Variants in ARHGEF28 observed in about 807,000 individuals in gnomAD.
ARHGEF28 encodes 190 kDa guanine nucleotide exchange factor.
ARHGEF28 carries 152 observed loss-of-function variants against 206.6 expected under a neutral mutation model. The observed-to-expected ratio is 0.74, with a 90% CI of 0.64 to 0.84. ARHGEF28 has a LOEUF of 0.84. Ranked by LOEUF, ARHGEF28 falls within the 40% of genes least tolerant of loss-of-function variation. The probability of loss-of-function intolerance (pLI) is 0.00; values close to 1 mark genes in which losing one functional copy is unlikely to be tolerated. For missense variants in ARHGEF28, 2,028 were observed against 2,073.2 expected (o/e 0.98, Z 0.42); for synonymous variants, 763 against 776.4 (o/e 0.98, Z 0.29).
At chr5:73,799,059 C>T (rs1441988777) in intron 9 of ARHGEF28, among the ~76,000 whole-genome samples, 1 of 152,192 alleles carries the variant, frequency 6.6e-6, no homozygotes. Context: ...CATTGCACTC[C>T]AGCCTGAGCA....
intron 9 of ARHGEF28, among the ~76,000 whole-genome samples, chr5:73,831,201 G>A (rs769579249): frequency 2.6e-5 from 4 of 152,086 alleles, no homozygotes; most frequent in Non-Finnish European, 4.4e-5. Context: ...ATGTCTGAAC[G>A]CACTTAATCC....
chr5:73,643,953 T>A (rs184745354), intron 1 of ARHGEF28, among the ~76,000 whole-genome samples: 1 of 152,348 alleles, frequency 6.6e-6, no homozygotes, highest in African/African-American at 2.4e-5. Flanking sequence ...GAGCATCAGA[T>A]GCACTAGGTG....
At chr5:73,676,133 C>A (rs182204763) in intron 1 of ARHGEF28, among the ~76,000 whole-genome samples, 7 of 144,314 alleles carry the variant, frequency 4.9e-5, no homozygotes, top group Non-Finnish European at 7.5e-5. Flanking sequence ...TGCAATGGTG[C>A]GATCTCGGTT....
chr5:73,742,514 A>T (rs1316737989), intron 2 of ARHGEF28, among the ~76,000 whole-genome samples: 1 of 151,878 alleles, frequency 6.6e-6, no homozygotes, highest in East Asian at 1.9e-4. Context: ...TATATTTAAT[A>T]TATTATAAAT....
At chr5:73,723,380 G>C (rs917447902) in intron 2 of ARHGEF28, among the ~76,000 whole-genome samples, 5 of 152,112 alleles carry the variant, frequency 3.3e-5, no homozygotes, top group African/African-American at 1.2e-4. Context: ...TAGAGACGGG[G>C]TTTCACCATG....
intron 1 of ARHGEF28, among the ~76,000 whole-genome samples, chr5:73,676,069 CTTTT>C (rs70973270): frequency 6.9e-5 from 8 of 115,148 alleles, no homozygotes; most frequent in Admixed American, 9.7e-5. Flanking sequence ...ATTTTCTTTT[CTTTT>C]TTTTTTTTTT....
intron 12 of ARHGEF28, 31 bp downstream of exon 12, chr5:73,846,506 G>C (rs1391737376): frequency 2.5e-6 from 4 of 1,589,568 alleles, no homozygotes; most frequent in Non-Finnish European, 3.5e-6. Context: ...TTGGTATATT[G>C]CAAGTGTGGA....
In ARHGEF28 at chr5:73,794,718, T is replaced by C. The variant is rs184101299; in HGVS notation, c.963+264T>C. Among the ~76,000 whole-genome samples the C allele has an allele frequency of 1.1e-4, 16 of 151,802 alleles. No homozygotes were observed. The East Asian group carries it at 1.4e-3, about 13-fold the overall frequency. On this transcript the variant is annotated intron_variant, in intron 8 of 35. Coordinates refer to ENST00000513042, the MANE Select transcript of ARHGEF28 (RefSeq NM_001177693.2). ...GCCTCCTGGGTTCAAATGATTCTCC[T>C]GCCTCACCCTCCTGAGTAGCTGGGA...
intron 1 of ARHGEF28, among the ~76,000 whole-genome samples, chr5:73,656,678 G>A (rs1745222896): frequency 6.6e-6 from 1 of 152,104 alleles, no homozygotes; most frequent in African/African-American, 2.4e-5. Context: ...GATCCTGTTT[G>A]TGTGTCTGTC....
At chr5:73,684,467 A>C (rs1236188733) in intron 1 of ARHGEF28, among the ~76,000 whole-genome samples, 1 of 152,210 alleles carries the variant, frequency 6.6e-6, no homozygotes, top group East Asian at 1.9e-4. Context: ...TTGATTATCC[A>C]TCCATCCGTC....
At chr5:73,756,471 A>G (rs967265548) in intron 4 of ARHGEF28, among the ~76,000 whole-genome samples, 6 of 152,234 alleles carry the variant, frequency 3.9e-5, no homozygotes, top group African/African-American at 1.2e-4. Flanking sequence ...CTTGTAGTGT[A>G]GCTTCTCTAC....
intron 35 of ARHGEF28, among the ~76,000 whole-genome samples, chr5:73,934,289 ATTT>A (rs1324245987): frequency 6.6e-6 from 1 of 152,170 alleles, no homozygotes; most frequent in Non-Finnish European, 1.5e-5. Flanking sequence ...TGCAGGCTTT[ATTT>A]TTTGACATGA....
chr5:73,683,908 A>G (rs1244597921), intron 1 of ARHGEF28, among the ~76,000 whole-genome samples: 4 of 152,188 alleles, frequency 2.6e-5, no homozygotes, highest in African/African-American at 7.2e-5. Flanking sequence ...TTTTAGGAGC[A>G]GTCTATGGGA....
chr5:73,911,226 T>A lies in ARHGEF28; in HGVS notation c.4648-49T>A, dbSNP rs781630678. ...TCAGGAATAAATACTTTATGAAACTTGTATAAGTTAGAAAAATTATTGTAC... is the reference window on the plus strand; with the variant it reads ...TCAGGAATAAATACTTTATGAAACTAGTATAAGTTAGAAAAATTATTGTAC... On this transcript the variant is annotated intron_variant, in intron 34 of 35. Transcript: ENST00000513042. 7.5e-6 allele frequency: 11 copies of A among 1,463,674 alleles called. No individual in the cohort carries two copies. The South Asian group carries it at 1.2e-4, about 16-fold the overall frequency. 90.7% of individuals were successfully genotyped at this position (1,463,674 alleles called of 1,614,324 possible).
chr5:73,633,570 A>ATTTTTTTT (rs764440038), intron 1 of ARHGEF28, among the ~76,000 whole-genome samples: 4 of 101,058 alleles, frequency 4.0e-5, no homozygotes, highest in Non-Finnish European at 5.6e-5. Flanking sequence ...AATACCTTTA[A>ATTTTTTTT]TTTTTTTTTT....
intron 35 of ARHGEF28, among the ~76,000 whole-genome samples, chr5:73,931,241 T>C (rs1347428308): frequency 1.3e-5 from 2 of 152,228 alleles, no homozygotes; most frequent in Non-Finnish European, 2.9e-5. Context: ...GGTTCTTTGT[T>C]TGTAACCTGT....
chr5:73,703,488 G>A (rs1748719633), intron 2 of ARHGEF28, among the ~76,000 whole-genome samples: 1 of 152,120 alleles, frequency 6.6e-6, no homozygotes, highest in Non-Finnish European at 1.5e-5. Context: ...AGGTCAGGTA[G>A]CCCACAGGAG....
In ARHGEF28 at chr5:73,858,180, G is replaced by A. The variant is rs536414670; in HGVS notation, c.2008G>A (p.Asp670Asn). 9.0e-5 allele frequency: 145 copies of A among 1,609,650 alleles called. 2 individuals are homozygous for A. The South Asian group carries it at 1.5e-3, about 17-fold the overall frequency. Reference sequence around the variant, plus strand: ...TGGGGTTCTGCAGTGTTTGGTTTGTGATAAAACACTCCTGGGGAAAGAGTC... The same window carrying A: ...TGGGGTTCTGCAGTGTTTGGTTTGTAATAAAACACTCCTGGGGAAAGAGTC... Reference protein sequence around the residue: ...FSGVLQCLVCDKTLLGKESLQ... With the variant: ...FSGVLQCLVCNKTLLGKESLQ... Residue 670 changes from aspartate (D) to asparagine (N), a missense_variant, in exon 16 of 36, where the codon GAT becomes AAT. Asp to Asn is a conservative substitution (Grantham distance 23, BLOSUM62 1). Transcript: ENST00000513042.
At chr5:73,798,060 T>C (rs1754926841) in intron 9 of ARHGEF28, among the ~76,000 whole-genome samples, 1 of 152,206 alleles carries the variant, frequency 6.6e-6, no homozygotes, top group Non-Finnish European at 1.5e-5. Flanking sequence ...CTAGAAGTGT[T>C]TTATGCATTT....
Sources: gnomAD v4.1 joint callset for allele counts (sites outside exome capture counted in the v4.1 genomes callset) on GRCh38, gnomAD v4.1.1 for gene constraint, MANE v1.5 for transcripts, NCBI Gene and HGNC (gene_info 2026-07-23, HGNC 2026-07-21) for gene names.